The following CLYBL variants were observed in gnomAD, a reference collection of about 807,000 sequenced individuals.
CLYBL encodes the protein citramalyl-CoA lyase, also known as citramalyl-CoA lyase, mitochondrial.
CLYBL carries 31 observed loss-of-function variants against 38.9 expected under a neutral mutation model. That is an observed-to-expected ratio of 0.80 (90% CI 0.60 to 1.08). CLYBL has a LOEUF of 1.08. Among genes scored for constraint, CLYBL ranks in the 50% least tolerant of loss-of-function variants. The pLI, the probability that CLYBL is intolerant of heterozygous loss-of-function variation, is 0.00. For missense variants in CLYBL, 434 were observed against 411.6 expected, an observed-to-expected ratio of 1.05 and a Z score of -0.47; for synonymous variants, 171 against 158.6, an observed-to-expected ratio of 1.08 and a Z score of -0.59.
chr13:99,854,903 A>G (rs1450702086), intron 2 of CLYBL, among the ~76,000 whole-genome samples: 5 of 152,156 alleles, frequency 3.3e-5, no homozygotes, highest in Non-Finnish European at 7.4e-5. Flanking sequence ...GGACAAGTTT[A>G]TTAGCCACTG....
At chr13:99,646,679 A>ATTTTTTTT (rs1176000168) in intron 1 of CLYBL, among the ~76,000 whole-genome samples, 1 of 128,858 alleles carries the variant, frequency 7.8e-6, no homozygotes. Context: ...CACCTGGCTA[A>ATTTTTTTT]TTTTTTTTTT....
At chr13:99,842,862 G>A (rs1024835748) in intron 2 of CLYBL, among the ~76,000 whole-genome samples, 1 of 152,100 alleles carries the variant, frequency 6.6e-6, no homozygotes, top group Non-Finnish European at 1.5e-5. Context: ...AGCTGTCATG[G>A]TGCTTATAAA....
At chr13:99,634,439 CAGAT>C (rs945319669) in intron 1 of CLYBL, among the ~76,000 whole-genome samples, 19 of 152,126 alleles carry the variant, frequency 1.2e-4, no homozygotes, top group East Asian at 3.9e-4. Context: ...AGAAAATAAT[CAGAT>C]AGATCCATCT....
At chr13:99,828,046 T>A (rs73572569) in intron 2 of CLYBL, among the ~76,000 whole-genome samples, 1,633 of 152,296 alleles carry the variant, frequency 0.011, 26 homozygotes, top group African/African-American at 0.037. Context: ...GGTGCCCTTC[T>A]GGGGATGCAG....
chr13:99,609,455 G>A (rs2046591940), intron 1 of CLYBL, among the ~76,000 whole-genome samples: 1 of 152,138 alleles, frequency 6.6e-6, no homozygotes, highest in Non-Finnish European at 1.5e-5. Context: ...GATTACAGGT[G>A]TGAGCCACCG....
rs1344759450 is a variant in CLYBL at position 99,849,210 on chromosome 13, C to CT, written c.250-9645dup. On this transcript the variant is annotated intron_variant, in intron 2 of 8. Transcript: ENST00000339105. This position sits in a 1 kb window ranked among gnomAD's most constrained non-coding sequence, Gnocchi z 4.9. ...AGCTTGTGGTACGTAAATACTCTGT[C>CT]TTTTTTAAAAGTTGTGTGTAGCCGA... Among the ~76,000 whole-genome samples the CT allele has an allele frequency of 6.6e-6, 1 of 151,840 alleles. No homozygotes were observed. The highest frequency in any genetic ancestry group is 2.4e-5 in the African/African-American group (1 of 41,342).
At chr13:99,832,560 A>G (rs931540451) in intron 2 of CLYBL, among the ~76,000 whole-genome samples, 1 of 152,190 alleles carries the variant, frequency 6.6e-6, no homozygotes, top group Admixed American at 6.5e-5. Flanking sequence ...CAGCATATTT[A>G]AATTTATGTA....
chr13:99,759,581 C>T (rs1465197634), intron 1 of CLYBL, among the ~76,000 whole-genome samples: 1 of 152,082 alleles, frequency 6.6e-6, no homozygotes, highest in Non-Finnish European at 1.5e-5. Flanking sequence ...ACCACCCCCA[C>T]CCCCTCAGAG....
At chr13:99,610,729 C>A (rs2046613310) in intron 1 of CLYBL, among the ~76,000 whole-genome samples, 1 of 152,152 alleles carries the variant, frequency 6.6e-6, no homozygotes. Context: ...CGGTATACAG[C>A]CCTGCACATG....
intron 2 of CLYBL, among the ~76,000 whole-genome samples, chr13:99,775,973 C>A (rs527976562): frequency 6.6e-6 from 1 of 151,726 alleles, no homozygotes; most frequent in Non-Finnish European, 1.5e-5. Context: ...ACCATCCTGG[C>A]TAACATGGTG....
chr13:99,901,645 G>GTTTTT (rs57853480), downstream of CLYBL, among the ~76,000 whole-genome samples: 123 of 126,900 alleles, frequency 9.7e-4, no homozygotes, highest in South Asian at 1.8e-3. Flanking sequence ...GGATTTTTTT[G>GTTTTT]TTTTTTTTTT....
At position 99,772,956 on chromosome 13, in the gene CLYBL, G is replaced by A. The variant is rs147406409; in HGVS notation, c.195G>A (p.Leu65=). 2.0e-5 allele frequency: 33 copies of A among 1,613,780 alleles called. No individual in the cohort carries two copies. The African/African-American group carries it at 4.3e-4, about 21-fold the overall frequency. The change falls in exon 2 of 9, where the codon CTG becomes CTA. Residue 65 remains leucine, a synonymous_variant. Coordinates refer to ENST00000339105, the MANE Select transcript of CLYBL (RefSeq NM_206808.5). ...AGAAAATAAAGAAGATTCCATCCCT[G>A]AATGTAGATTGTGCAGTGCTCGACT... The part of the protein sequence containing the change: ...DEKKIKKIPS[L]NVDCAVLDCE...
chr13:99,743,930 CTTCTACACTCCACT>C, intron 1 of CLYBL, among the ~76,000 whole-genome samples: 2 of 144,776 alleles, frequency 1.4e-5, no homozygotes, highest in Middle Eastern at 3.7e-3. Context: ...TTAGATTTTG[CTTCTACACTCCACT>C]TTCTTTTTTT....
At chr13:99,644,181 GTGTA>G (rs1016795625) in intron 1 of CLYBL, among the ~76,000 whole-genome samples, 13 of 124,312 alleles carry the variant, frequency 1.0e-4, no homozygotes, top group Admixed American at 2.4e-4. Context: ...GTATGTACAT[GTGTA>G]TGTATGTATA....
chr13:99,695,683 C>A lies in CLYBL; in HGVS notation c.63-77141C>A, dbSNP rs1318647829. On this transcript the variant is annotated intron_variant, in intron 1 of 8. Transcript: ENST00000339105. Reference sequence around the variant, plus strand: ...TGCAGGTACGCACCACCACACCTGGCTAATTTTTGTATTTTTAGTAGAGAG... The same window carrying A: ...TGCAGGTACGCACCACCACACCTGGATAATTTTTGTATTTTTAGTAGAGAG... 1.3e-5 allele frequency among the ~76,000 whole-genome samples: 2 copies of A among 152,122 alleles called. 1 individual carries two copies. Among genetic ancestry groups the A allele is most frequent in the South Asian group, 4.2e-4 (2 of 4,818 alleles).
At chr13:99,899,913 T>C (rs909421554), downstream of CLYBL, among the ~76,000 whole-genome samples, 4 of 152,012 alleles carry the variant, frequency 2.6e-5, no homozygotes, top group African/African-American at 9.7e-5. Flanking sequence ...CATTTTCTCC[T>C]TTATTTTTAT....
Position 99,883,257 on chromosome 13 carries a change from AC to A in CLYBL, c.928-8057del, listed in dbSNP as rs771353273. ...CAGAACCGACCGGGCGCAGTGGCTT[AC>A]CCCTGTAATCCCAGCACTTTGGGAG... On this transcript the variant is annotated intron_variant, in intron 7 of 8. Coordinates refer to ENST00000339105, the MANE Select transcript of CLYBL (RefSeq NM_206808.5). Among the ~76,000 whole-genome samples the A allele has an allele frequency of 7.2e-5, 11 of 152,246 alleles. No individual in the cohort carries two copies. In the East Asian group the frequency reaches 1.2e-3, roughly 16 times the overall value.
At chr13:99,733,218 G>T (rs999693779) in intron 1 of CLYBL, among the ~76,000 whole-genome samples, 2 of 151,720 alleles carry the variant, frequency 1.3e-5, no homozygotes, top group Non-Finnish European at 2.9e-5. Context: ...TAACTTTTAA[G>T]ATCTCATAAT....
At chr13:99,751,290 G>T (rs758811046) in intron 1 of CLYBL, among the ~76,000 whole-genome samples, 1 of 151,694 alleles carries the variant, frequency 6.6e-6, no homozygotes, top group Non-Finnish European at 1.5e-5. Flanking sequence ...GTGTGATCCC[G>T]GCGCACTGCA....
Sources: gnomAD v4.1 joint callset for allele counts (sites outside exome capture counted in the v4.1 genomes callset) on GRCh38, gnomAD v4.1.1 for gene constraint, Gnocchi (gnomAD v3.1) non-coding constraint, MANE v1.5 for transcripts, NCBI Gene and HGNC (gene_info 2026-07-23, HGNC 2026-07-21) for gene names.